The following REXO1 variants were observed in gnomAD, a reference collection of about 807,000 sequenced individuals.
REXO1 encodes REX1, RNA exonuclease 1 homolog.
A neutral mutation model predicts 102.6 loss-of-function variants in REXO1; 42 were observed. That is an observed-to-expected ratio of 0.41 (90% confidence interval 0.32 to 0.53). The LOEUF (loss-of-function observed/expected upper bound fraction) is 0.53. Ranked by LOEUF, REXO1 falls within the 20% of genes least tolerant of loss-of-function variation. The pLI, the probability that REXO1 is intolerant of heterozygous loss-of-function variation, is 0.27. For missense variants in REXO1, 1,819 were observed against 1,732.5 expected, an observed-to-expected ratio of 1.05 and a Z score of -0.89; for synonymous variants, 908 against 779.1, an observed-to-expected ratio of 1.17 and a Z score of -2.76.
intron 1 of REXO1, among the ~76,000 whole-genome samples, 154 bp downstream of exon 1, chr19:1,848,048 G>A (rs555623274): frequency 1.3e-5 from 2 of 152,356 alleles, no homozygotes; most frequent in Non-Finnish European, 2.9e-5. Context: ...CGGGTCCCAG[G>A]GTGGGTGGTT....
chr19:1,817,147 C>CAGATGGGGCT, intron 12 of REXO1, 72 bp downstream of exon 12: 1 of 1,579,668 alleles, frequency 6.3e-7, no homozygotes, highest in Non-Finnish European at 8.6e-7. Context: ...CAGATGGGGC[C>CAGATGGGGCT]AGATGGGGCG....
At chr19:1,830,987 A>C (rs2069885886) in intron 1 of REXO1, 1 of 152,790 alleles carries the variant, frequency 6.5e-6, no homozygotes, top group East Asian at 1.9e-4. Context: ...GCTATGGGGA[A>C]GAAGAGGGGC....
chr19:1,828,752 A>G (rs970899153), intron 1 of REXO1, 121 bp from the exon 2 acceptor site: 56 of 1,283,408 alleles, frequency 4.4e-5, no homozygotes, highest in Non-Finnish European at 4.8e-5. Flanking sequence ...CCCACCACGC[A>G]CTGGCGCCCG....
chr19:1,821,063 G>C (rs2069520730), intron 5 of REXO1, among the ~76,000 whole-genome samples: 1 of 149,738 alleles, frequency 6.7e-6, no homozygotes, highest in Non-Finnish European at 1.5e-5. Flanking sequence ...ACACCGCCAG[G>C]GCGGTCGGGC....
rs562078750 is a variant in REXO1 at position 1,828,762 on chromosome 19, G to A, written c.158-131C>T. On this transcript the variant is annotated intron_variant, in intron 1 of 15. Coordinates refer to ENST00000170168, the MANE Select transcript of REXO1 (RefSeq NM_020695.4). ...CGAAACCCACCACGCACTGGCGCCCGCCAAGGCTCTGGGGTGCCCAGCTGG... is the reference window on the plus strand; with the variant it reads ...CGAAACCCACCACGCACTGGCGCCCACCAAGGCTCTGGGGTGCCCAGCTGG... 5.5e-5 allele frequency: 67 copies of A among 1,225,344 alleles called. 1 individual carries two copies. Among genetic ancestry groups the A allele is most frequent in the South Asian group, 4.2e-4 (27 of 64,054 alleles). The allele number at this position is 1,225,344 out of a possible 1,614,324, so 75.9% of individuals were successfully genotyped here.
chr19:1,821,468 T>C (rs1395577060), intron 5 of REXO1, 51 bp downstream of exon 5: 1 of 1,607,356 alleles, frequency 6.2e-7, no homozygotes, highest in Admixed American at 1.7e-5. Context: ...TGGCCGGGCC[T>C]CAGGGCGTGG....
chr19:1,821,829 C>T (rs1275511305), intron 4 of REXO1, 147 bp from the exon 5 acceptor site: 9 of 696,232 alleles, frequency 1.3e-5, no homozygotes, highest in African/African-American at 9.2e-5. Flanking sequence ...GCTGGGGCTG[C>T]GCAATGGCAT....
At chr19:1,843,127 G>A (rs1007742294) in intron 1 of REXO1, among the ~76,000 whole-genome samples, 2 of 152,212 alleles carry the variant, frequency 1.3e-5, no homozygotes, top group South Asian at 4.1e-4. Context: ...CCAGGGCAAA[G>A]CTTCAACCCC....
rs781089416 is a variant in REXO1 at position 1,828,522 on chromosome 19, C to T, written c.267G>A (p.Glu89=). ...CGGCCTCGATGGCCTGGTTGACCAG[C>T]TCCAACTCCAGCACATCCGGGCGCG... ...EEPRPDVLEL[E]LVNQAIEAVR... The change falls in exon 2 of 16, where the codon GAG becomes GAA. Residue 89 remains glutamate, a synonymous_variant. Transcript: ENST00000170168. 1.2e-6 allele frequency: 2 copies of T among 1,604,692 alleles called. No homozygotes were observed. Among genetic ancestry groups the T allele is most frequent in the East Asian group, 4.5e-5 (2 of 44,888 alleles).
chr19:1,843,755 A>G (rs2011408603), intron 1 of REXO1, among the ~76,000 whole-genome samples: 1 of 152,122 alleles, frequency 6.6e-6, no homozygotes, highest in South Asian at 2.1e-4. Context: ...GACCGAGGAG[A>G]GCACACACTG....
Position 1,815,707 on chromosome 19 carries a change from C to G in REXO1, c.*359G>C. 2.2e-6 allele frequency: 3 copies of G among 1,363,538 alleles called. No homozygotes were observed. Among genetic ancestry groups the G allele is most frequent in the Middle Eastern group, 2.8e-4 (1 of 3,550 alleles). 84.5% of individuals were successfully genotyped at this position (1,363,538 alleles called of 1,614,324 possible). On this transcript the variant is annotated 3_prime_UTR_variant, in exon 16 of 16. Coordinates refer to ENST00000170168, the MANE Select transcript of REXO1 (RefSeq NM_020695.4). This position sits in a 1 kb window ranked among gnomAD's most constrained non-coding sequence, Gnocchi z 4.0. Reference sequence around the variant, plus strand: ...AAACAAACCTGGGACAAGCCCGCCCCGCGACCCACGTGAGGAGCAGAGGTG... The same window carrying G: ...AAACAAACCTGGGACAAGCCCGCCCGGCGACCCACGTGAGGAGCAGAGGTG...
chr19:1,848,381 C>G lies in REXO1; in HGVS notation c.-23G>C. The G allele has an allele frequency of 8.4e-7, 1 of 1,196,726 alleles. No homozygotes were observed. Among genetic ancestry groups the G allele is most frequent in the Non-Finnish European group, 1.0e-6 (1 of 959,938 alleles). 74.1% of individuals were successfully genotyped at this position (1,196,726 alleles called of 1,614,324 possible). ...CATGGTCCGTCCCGCGGCGGGGCCC[C>G]GGCCCGGAGCCGCCCGGGCCCCAGG... On this transcript the variant is annotated 5_prime_UTR_variant, in exon 1 of 16. Transcript: ENST00000170168.
At position 1,815,985 on chromosome 19, in the gene REXO1, A is replaced by G. The variant is rs2069349163; in HGVS notation, c.*81T>C. On this transcript the variant is annotated 3_prime_UTR_variant, in exon 16 of 16. Coordinates refer to ENST00000170168, the MANE Select transcript of REXO1 (RefSeq NM_020695.4). The surrounding 1 kb of genome is among the most constrained non-coding windows in gnomAD (Gnocchi z 4.0). ...CGGCCAGGTGGACGGGTTACCGGAG[A>G]TTTATTGCACTGTTTTGGAAGAGGC... is the stretch of plus-strand genomic sequence containing the variant. 1 of 1,536,090 alleles carries G rather than the reference A, an allele frequency of 6.5e-7. No homozygotes were observed. Among genetic ancestry groups the G allele is most frequent in the South Asian group, 1.2e-5 (1 of 84,058 alleles).
chr19:1,827,856 G>C lies in REXO1; in HGVS notation c.933C>G (p.Ala311=). The C allele has an allele frequency of 1.2e-6, 2 of 1,613,238 alleles. No homozygotes were observed. The highest frequency in any genetic ancestry group is 1.7e-6 in the Non-Finnish European group (2 of 1,179,828). The change falls in exon 2 of 16, where the codon GCC becomes GCG. Residue 311 remains alanine, a synonymous_variant. Coordinates refer to ENST00000170168, the MANE Select transcript of REXO1 (RefSeq NM_020695.4). ...GCCCGGTGGCCTTGATCTCAGGGTCGGCCCTGGCTTTGGGGGTGCTGGCCG... is the reference window on the plus strand; with the variant it reads ...GCCCGGTGGCCTTGATCTCAGGGTCCGCCCTGGCTTTGGGGGTGCTGGCCG... ...PTTASTPKAR[A]DPEIKATGQP... is the part of the protein sequence containing the mutation.
Position 1,838,252 on chromosome 19 carries a change from G to A in REXO1, c.158-9621C>T, listed in dbSNP as rs1015628529. Among the ~76,000 whole-genome samples, 5 of 150,158 alleles carry A rather than the reference G, an allele frequency of 3.3e-5. No homozygotes were observed. In the East Asian group the frequency reaches 7.9e-4, roughly 24 times the overall value. On this transcript the variant is annotated intron_variant, in intron 1 of 15. Transcript: ENST00000170168. Reference sequence around the variant, plus strand: ...GAATTGCTTGAACCCGGAAGGTGGAGTCTGCAGTGAGCTGAGATGGCGCCA... The same window carrying A: ...GAATTGCTTGAACCCGGAAGGTGGAATCTGCAGTGAGCTGAGATGGCGCCA...
rs1289350570 is a variant in REXO1 at position 1,815,674 on chromosome 19, A to G, written c.*392T>C. The G allele has an allele frequency of 9.4e-6, 12 of 1,276,522 alleles. No individual in the cohort carries two copies. Among genetic ancestry groups the G allele is most frequent in the East Asian group, 3.8e-5 (1 of 26,092 alleles). 79.1% of individuals were successfully genotyped at this position (1,276,522 alleles called of 1,614,324 possible). On this transcript the variant is annotated 3_prime_UTR_variant, in exon 16 of 16. Transcript: ENST00000170168. This position sits in a 1 kb window ranked among gnomAD's most constrained non-coding sequence, Gnocchi z 4.0. ...AAATAACAATACAAAATAAAAAAAG[A>G]CTGTCTCAAACAAACCTGGGACAAG...
Position 1,821,663 on chromosome 19 carries a change from C to T in REXO1, c.2250G>A (p.Arg750=). 1.2e-6 allele frequency: 2 copies of T among 1,612,558 alleles called. No individual in the cohort carries two copies. Among genetic ancestry groups the T allele is most frequent in the Non-Finnish European group, 1.7e-6 (2 of 1,179,644 alleles). ...RLAAAPTGAK[R]TLAASGSQSS... ...ACTGGCTGCCGCTGGCCGCAAGGGT[C>T]CTCTTGGCACCTGTGGGGGCTGGCG... Residue 750 remains arginine (R), a synonymous_variant, in exon 5 of 16, where the codon AGG becomes AGA. Transcript: ENST00000170168.
In REXO1 at chr19:1,828,438, A is replaced by ACGGGT; in HGVS notation, c.346_350dup (p.Glu118ProfsTer44). Reference sequence around the variant, plus strand: ...CGGGGGCCTCGGCGGAGCGGTGCTCACGGGTCGTCTCCAGCAGCTCCCGGT... The same window carrying ACGGGT: ...CGGGGGCCTCGGCGGAGCGGTGCTCACGGGTCGGGTCGTCTCCAGCAGCTCCCGGT... On this transcript the variant is annotated frameshift_variant, in exon 2 of 16. Coordinates refer to ENST00000170168, the MANE Select transcript of REXO1 (RefSeq NM_020695.4). LOFTEE classifies it high-confidence loss of function. The ACGGGT allele has an allele frequency of 6.2e-7, 1 of 1,609,144 alleles. No individual in the cohort carries two copies. The highest frequency in any genetic ancestry group is 8.5e-7 in the Non-Finnish European group (1 of 1,179,238).
intron 4 of REXO1, chr19:1,823,125 T>C (rs2069597896): frequency 6.1e-6 from 1 of 163,894 alleles, no homozygotes. Flanking sequence ...GGGGGGGAAG[T>C]GCCCCTCGGA....
Sources: gnomAD v4.1 joint callset for allele counts (sites outside exome capture counted in the v4.1 genomes callset) on GRCh38, gnomAD v4.1.1 for gene constraint, Gnocchi (gnomAD v3.1) non-coding constraint, MANE v1.5 for transcripts, NCBI Gene and HGNC (gene_info 2026-07-23, HGNC 2026-07-21) for gene names.